The following ANKRD11 variants were observed in gnomAD, a reference collection of about 807,000 sequenced individuals.
ANKRD11 encodes ankyrin repeat domain-containing protein 11.
Under a neutral mutation model 195.7 loss-of-function variants are expected in ANKRD11, and 17 were observed. That is an observed-to-expected ratio of 0.09 (90% CI 0.06 to 0.13). The LOEUF (loss-of-function observed/expected upper bound fraction) is 0.13. Among genes scored for constraint, ANKRD11 ranks in the 10% least tolerant of loss-of-function variants. The pLI is 1.00. For missense variants in ANKRD11, 3,735 were observed against 3,566.1 expected (o/e 1.05, Z -1.21); for synonymous variants, 1,953 against 1,528.1 (o/e 1.28, Z -6.49).
At chr16:89,478,081 T>C (rs1021956159) in intron 1 of ANKRD11, among the ~76,000 whole-genome samples, 2 of 152,186 alleles carry the variant, frequency 1.3e-5, no homozygotes, top group African/African-American at 4.8e-5. Context: ...AATAAAACAA[T>C]GGCTTAATGA....
chr16:89,275,734 G>A (rs969388017), intron 9 of ANKRD11, among the ~76,000 whole-genome samples: 1 of 152,200 alleles, frequency 6.6e-6, no homozygotes, highest in Non-Finnish European at 1.5e-5. Flanking sequence ...ACTGTGGGCC[G>A]GAAGCGCAGG....
intron 1 of ANKRD11, among the ~76,000 whole-genome samples, chr16:89,442,251 G>T (rs534969417): frequency 6.6e-6 from 1 of 152,190 alleles, no homozygotes; most frequent in Non-Finnish European, 1.5e-5. Flanking sequence ...TCATGTCTAC[G>T]CTTTCCTCAC....
At position 89,324,010 on chromosome 16, in the gene ANKRD11, C is replaced by A. The variant is rs141495545; in HGVS notation, c.-59-6932G>T. The stretch of plus-strand genomic sequence containing the variant: ...AGGTTCAAACCAAACCCCCAGTGTG[C>A]CCAGCTACTTTTTGTATTTTTGGTA... On this transcript the variant is annotated intron_variant, in intron 2 of 12. Transcript: ENST00000301030. The A allele has an allele frequency of 3.3e-3, 726 of 221,296 alleles. 7 individuals are homozygous for A. Among genetic ancestry groups the A allele is most frequent in the African/African-American group, 0.016 (667 of 42,250 alleles). 13.7% of individuals were successfully genotyped at this position (221,296 alleles called of 1,614,324 possible). A position where few individuals can be genotyped will look rare whatever the true frequency, so the allele number is the denominator to read the frequency against.
rs144748867 is a variant in ANKRD11 at position 89,426,801 on chromosome 16, A to G, written c.-144-8433T>C. On this transcript the variant is annotated intron_variant, in intron 1 of 12. Coordinates refer to ENST00000301030, the MANE Select transcript of ANKRD11 (RefSeq NM_013275.6). ...ATCGGCGTCATGGACACTGGGAAACAGAAAAGACGGAGAAATCCGGGAAGC... is the reference window on the plus strand; with the variant it reads ...ATCGGCGTCATGGACACTGGGAAACGGAAAAGACGGAGAAATCCGGGAAGC... Among the ~76,000 whole-genome samples, 661 of 152,370 alleles carry G rather than the reference A, an allele frequency of 4.3e-3. 2 individuals are homozygous for G. The highest frequency in any genetic ancestry group is 0.024 in the South Asian group (114 of 4,830).
Position 89,358,205 on chromosome 16 carries a change from G to A in ANKRD11, c.-59-41127C>T, listed in dbSNP as rs115207207. Among the ~76,000 whole-genome samples, 1,226 of 152,324 alleles carry A rather than the reference G, an allele frequency of 8.0e-3. 24 individuals carry two copies. The highest frequency in any genetic ancestry group is 0.028 in the African/African-American group (1,168 of 41,566). On this transcript the variant is annotated intron_variant, in intron 2 of 12. Coordinates refer to ENST00000301030, the MANE Select transcript of ANKRD11 (RefSeq NM_013275.6). ...CACGTGCGGGCAGACACAGGCCACA[G>A]CCCCCACACCTCACTCTGGCATCAG...
intron 6 of ANKRD11, 105 bp downstream of exon 6, chr16:89,290,520 G>GGGGGGAGGCTCAGGGCTCCAGC: frequency 7.5e-6 from 6 of 798,402 alleles, no homozygotes; most frequent in South Asian, 4.5e-5. Flanking sequence ...GGGCTCCAAT[G>GGGGGGAGGCTCAGGGCTCCAGC]GGGGGAGGCT....
chr16:89,418,198 C>T (rs2042378534), intron 2 of ANKRD11, 86 bp downstream of exon 2: 1 of 437,272 alleles, frequency 2.3e-6, no homozygotes, highest in Admixed American at 2.4e-5. Flanking sequence ...GAAAACCAAC[C>T]TGGACACTCA....
rs116709452 is a variant in ANKRD11 at position 89,336,359 on chromosome 16, C to G, written c.-59-19281G>C. Among the ~76,000 whole-genome samples, 590 of 152,326 alleles carry G rather than the reference C, an allele frequency of 3.9e-3. 2 individuals are homozygous for G. Among genetic ancestry groups the G allele is most frequent in the African/African-American group, 0.014 (569 of 41,572 alleles). On this transcript the variant is annotated intron_variant, in intron 2 of 12. Transcript: ENST00000301030. ...CCAAGATTGTCGTCAGACCTAGAGG[C>G]GGGTGTGCGTCCACAGACAGCACAC...
At chr16:89,407,668 T>TACACAC (rs112958844) in intron 2 of ANKRD11, among the ~76,000 whole-genome samples, 4 of 150,704 alleles carry the variant, frequency 2.7e-5, no homozygotes, top group African/African-American at 7.3e-5. Flanking sequence ...CAAACACACA[T>TACACAC]ACACACACAC....
chr16:89,442,575 G>A (rs973304593), intron 1 of ANKRD11, among the ~76,000 whole-genome samples: 1 of 152,112 alleles, frequency 6.6e-6, no homozygotes, highest in Non-Finnish European at 1.5e-5. Context: ...CCACCAGCTG[G>A]ACAGTATCAT....
intron 1 of ANKRD11, among the ~76,000 whole-genome samples, chr16:89,419,344 T>C (rs1210560227): frequency 1.3e-5 from 2 of 151,648 alleles, no homozygotes; most frequent in African/African-American, 4.8e-5. Context: ...CCCCAACTAC[T>C]TGGGAGGCTG....
At chr16:89,364,543 A>G (rs962010920) in intron 2 of ANKRD11, among the ~76,000 whole-genome samples, 3 of 152,218 alleles carry the variant, frequency 2.0e-5, no homozygotes, top group Non-Finnish European at 4.4e-5. Context: ...CGCTGAGCAC[A>G]GCAGTCAGAC....
chr16:89,320,750 G>C lies in ANKRD11; in HGVS notation c.-59-3672C>G, dbSNP rs139022311. On this transcript the variant is annotated intron_variant, in intron 2 of 12. Transcript: ENST00000301030. ...CTGTGCCAAAATAAGACACAACTCA[G>C]CCCAGCGGAGTGGACAGTGTCTGCG... Among the ~76,000 whole-genome samples the C allele has an allele frequency of 5.8e-3, 884 of 152,362 alleles. 6 individuals carry two copies. The highest frequency in any genetic ancestry group is 0.02 in the African/African-American group (850 of 41,594).
At chr16:89,408,662 C>G (rs1346837928) in intron 2 of ANKRD11, among the ~76,000 whole-genome samples, 3 of 152,164 alleles carry the variant, frequency 2.0e-5, no homozygotes, top group South Asian at 4.1e-4. Flanking sequence ...CCTCGCACCC[C>G]CTGCCACCCT....
In ANKRD11 at chr16:89,291,901, G is replaced by A. The variant is rs975434571; in HGVS notation, c.227-718C>T. On this transcript the variant is annotated intron_variant, in intron 4 of 12. Transcript: ENST00000301030. The surrounding 1 kb of genome is among the most constrained non-coding windows in gnomAD (Gnocchi z 5.3). ...ACCCGTTACAGAACACTCGGCTGGC[G>A]TCTAACGCAACTCACGTGCTGTGTC... is the stretch of plus-strand genomic sequence containing the variant. The A allele has an allele frequency of 8.5e-6, 5 of 591,434 alleles. No homozygotes were observed. Among genetic ancestry groups the A allele is most frequent in the African/African-American group, 5.7e-5 (3 of 52,410 alleles). The allele number at this position is 591,434 out of a possible 1,614,324, so 36.6% of individuals were successfully genotyped here. A position where few individuals can be genotyped will look rare whatever the true frequency, so the allele number is the denominator to read the frequency against.
rs975818328 is a variant in ANKRD11 at position 89,308,706 on chromosome 16, G to A, written c.88-3362C>T. 7.9e-5 allele frequency among the ~76,000 whole-genome samples: 12 copies of A among 152,194 alleles called. No individual in the cohort carries two copies. In the South Asian group the frequency reaches 2.1e-3, roughly 26 times the overall value. ...AAGGATGTTCAAGGCAGTTTTGTTC[G>A]TAATACAAAAAAAATGACACAACTA... On this transcript the variant is annotated intron_variant, in intron 3 of 12. Transcript: ENST00000301030.
At chr16:89,453,520 C>T (rs1312150512) in intron 1 of ANKRD11, among the ~76,000 whole-genome samples, 3 of 152,220 alleles carry the variant, frequency 2.0e-5, no homozygotes, top group Non-Finnish European at 2.9e-5. Flanking sequence ...GTCCTGCCTG[C>T]TAAGGTGTCC....
In ANKRD11 at chr16:89,348,873, T is replaced by C. The variant is rs1475352659; in HGVS notation, c.-59-31795A>G. ...AAGGGGCTACCAGTTTTATTGTCTT[T>C]AAAAAAAAAAAAAAAACACCCAGCC... On this transcript the variant is annotated intron_variant, in intron 2 of 12. Transcript: ENST00000301030. Among the ~76,000 whole-genome samples, 4 of 130,416 alleles carry C rather than the reference T, an allele frequency of 3.1e-5. No individual in the cohort carries two copies. In the East Asian group the frequency reaches 8.6e-4, roughly 28 times the overall value. 85.6% of individuals were successfully genotyped at this position (130,416 alleles called of 152,430 possible).
intron 2 of ANKRD11, among the ~76,000 whole-genome samples, chr16:89,402,307 C>T (rs1324609507): frequency 6.6e-6 from 1 of 152,132 alleles, no homozygotes; most frequent in Non-Finnish European, 1.5e-5. Context: ...CTCAGCGATA[C>T]TAATGTACAG....
Sources: gnomAD v4.1 joint callset for allele counts (sites outside exome capture counted in the v4.1 genomes callset) on GRCh38, gnomAD v4.1.1 for gene constraint, Gnocchi (gnomAD v3.1) non-coding constraint, MANE v1.5 for transcripts, NCBI Gene and HGNC (gene_info 2026-07-23, HGNC 2026-07-21) for gene names.